LRP1B: variants seen among roughly 807,000 people sequenced by gnomAD.
LRP1B encodes the protein LDL receptor related protein 1B, also known as low-density lipoprotein receptor-related protein 1B.
Under a neutral mutation model 556.6 loss-of-function variants are expected in LRP1B, and 217 were observed. The ratio of observed to expected loss-of-function variants is 0.39; its 90% CI spans 0.35 to 0.44. The LOEUF is 0.44. LRP1B is among the 20% of genes least tolerant of loss of function. The pLI, the probability that LRP1B is intolerant of heterozygous loss-of-function variation, is 1.00. For missense variants in LRP1B, 5,053 were observed against 5,620.8 expected, an observed-to-expected ratio of 0.90 and a Z score of 3.23; for synonymous variants, 2,047 against 1,865.8, an observed-to-expected ratio of 1.10 and a Z score of -2.50.
At position 142,118,129 on chromosome 2, in the gene LRP1B, C is replaced by G. The variant is rs150997428; in HGVS notation, c.82+12519G>C. 7.3e-3 allele frequency among the ~76,000 whole-genome samples: 1,107 copies of G among 152,062 alleles called. 19 individuals carry two copies. Among genetic ancestry groups the G allele is most frequent in the African/African-American group, 0.026 (1,060 of 41,478 alleles). Reference sequence around the variant, plus strand: ...AGGGCAGGATTCCTACTTCGGGTTCCTTTATATGATTTTTTTTTCTTTGCT... The same window carrying G: ...AGGGCAGGATTCCTACTTCGGGTTCGTTTATATGATTTTTTTTTCTTTGCT... On this transcript the variant is annotated intron_variant, in intron 1 of 90. Coordinates refer to ENST00000389484, the MANE Select transcript of LRP1B (RefSeq NM_018557.3).
At chr2:140,952,907 TC>T (rs1695761166) in intron 18 of LRP1B, among the ~76,000 whole-genome samples, 1 of 152,164 alleles carries the variant, frequency 6.6e-6, no homozygotes, top group African/African-American at 2.4e-5. Context: ...TTTAAGTTGC[TC>T]AATATCAGAC....
chr2:142,085,184 C>T (rs544256890), intron 1 of LRP1B, among the ~76,000 whole-genome samples: 99 of 152,298 alleles, frequency 6.5e-4, no homozygotes, highest in Admixed American at 1.6e-3. Flanking sequence ...TCTACATCCT[C>T]CCCATCTCTT....
At chr2:141,244,594 C>G (rs761604184) in intron 5 of LRP1B, among the ~76,000 whole-genome samples, 20 of 152,136 alleles carry the variant, frequency 1.3e-4, no homozygotes, top group African/African-American at 3.1e-4. Flanking sequence ...TACTGTATAA[C>G]AAAACTACCT....
chr2:140,991,167 T>C (rs1472172704), intron 16 of LRP1B, among the ~76,000 whole-genome samples: 1 of 152,172 alleles, frequency 6.6e-6, no homozygotes. Context: ...ATAAGTCATC[T>C]GATGTATTAG....
chr2:141,740,426 A>T (rs1388483300), intron 2 of LRP1B, among the ~76,000 whole-genome samples: 1 of 152,192 alleles, frequency 6.6e-6, no homozygotes, highest in African/African-American at 2.4e-5. Context: ...ACTTAATAAT[A>T]TAATTGTAAC....
intron 1 of LRP1B, among the ~76,000 whole-genome samples, chr2:142,006,709 T>G (rs1702813129): frequency 6.6e-6 from 1 of 152,140 alleles, no homozygotes; most frequent in African/African-American, 2.4e-5. Context: ...TATAGAGGGC[T>G]ACTTTTTTTT....
intron 20 of LRP1B, 35 bp from the exon 21 acceptor site, chr2:140,923,182 G>A (rs746775074): frequency 6.7e-7 from 1 of 1,492,686 alleles, no homozygotes; most frequent in East Asian, 2.3e-5. Flanking sequence ...AAGCAGAGGG[G>A]GGCAAGACAG....
At position 140,254,221 on chromosome 2, in the gene LRP1B, T is replaced by C. The variant is rs529990212; in HGVS notation, c.13248-7059A>G. ...AAATAAAGCAGTTTAATAACTGCTT[T>C]AATAAAAGCACTATTCGACATATAT... On this transcript the variant is annotated intron_variant, in intron 86 of 90. Transcript: ENST00000389484. 2.2e-3 allele frequency among the ~76,000 whole-genome samples: 338 copies of C among 152,288 alleles called. 1 individual carries two copies. Among genetic ancestry groups the C allele is most frequent in the Middle Eastern group, 6.8e-3 (2 of 294 alleles).
intron 66 of LRP1B, among the ~76,000 whole-genome samples, chr2:140,414,165 C>A (rs1031679255): frequency 6.6e-6 from 1 of 152,164 alleles, no homozygotes; most frequent in Non-Finnish European, 1.5e-5. Context: ...ATCCTCCCAC[C>A]TTTACCTTTC....
intron 1 of LRP1B, among the ~76,000 whole-genome samples, chr2:142,128,766 C>T (rs1378592632): frequency 2.0e-5 from 3 of 152,158 alleles, no homozygotes; most frequent in African/African-American, 7.2e-5. Flanking sequence ...AACTAGCAAT[C>T]GTTTACCATG....
chr2:140,870,628 G>A (rs1693099336), intron 25 of LRP1B, among the ~76,000 whole-genome samples: 1 of 152,046 alleles, frequency 6.6e-6, no homozygotes, highest in African/African-American at 2.4e-5. Context: ...TAATGTTGCA[G>A]TACATTTTTC....
At chr2:141,765,017 G>A (rs547393655) in intron 2 of LRP1B, among the ~76,000 whole-genome samples, 92 of 152,204 alleles carry the variant, frequency 6.0e-4, no homozygotes, top group African/African-American at 2.1e-3. Context: ...ATGATAAAAT[G>A]AGTTTCTTGG....
chr2:141,795,900 A>G (rs1450717213), intron 2 of LRP1B, among the ~76,000 whole-genome samples: 1 of 78,982 alleles, frequency 1.3e-5, no homozygotes, highest in Admixed American at 1.2e-4. Flanking sequence ...ATATATATAT[A>G]ATCTTTAAGC....
chr2:142,072,020 C>T (rs1705333968), intron 1 of LRP1B, among the ~76,000 whole-genome samples: 1 of 151,958 alleles, frequency 6.6e-6, no homozygotes, highest in African/African-American at 2.4e-5. Context: ...ATTCTTTCCT[C>T]TCCCTCTCTC....
At chr2:141,676,557 CA>C (rs1690888911) in intron 2 of LRP1B, among the ~76,000 whole-genome samples, 1 of 152,258 alleles carries the variant, frequency 6.6e-6, no homozygotes, top group Admixed American at 6.5e-5. Flanking sequence ...CTTTTATCAT[CA>C]AAAGTTTCTT....
At chr2:141,311,945 G>T (rs1254473582) in intron 3 of LRP1B, among the ~76,000 whole-genome samples, 1 of 152,152 alleles carries the variant, frequency 6.6e-6, no homozygotes, top group Non-Finnish European at 1.5e-5. Flanking sequence ...ATGGGCAGAG[G>T]CTGGAAAAGT....
chr2:142,041,976 T>C (rs1235754615), intron 1 of LRP1B, among the ~76,000 whole-genome samples: 1 of 151,518 alleles, frequency 6.6e-6, no homozygotes, highest in Non-Finnish European at 1.5e-5. Context: ...AAGATGATTA[T>C]TTTTTATTAT....
At chr2:140,844,528 G>A (rs1377643014) in intron 29 of LRP1B, among the ~76,000 whole-genome samples, 2 of 152,046 alleles carry the variant, frequency 1.3e-5, no homozygotes, top group East Asian at 1.9e-4. Context: ...TAAGCATATG[G>A]GGGTGGGGGT....
chr2:140,932,817 AGTGAGCT>A (rs2105273658), intron 20 of LRP1B, among the ~76,000 whole-genome samples: 1 of 147,916 alleles, frequency 6.8e-6, no homozygotes, highest in South Asian at 2.2e-4. Context: ...TTTAGGTTTC[AGTGAGCT>A]GTGATTGTGC....
Sources: gnomAD v4.1 joint callset for allele counts (sites outside exome capture counted in the v4.1 genomes callset) on GRCh38, gnomAD v4.1.1 for gene constraint, MANE v1.5 for transcripts, NCBI Gene and HGNC (gene_info 2026-07-23, HGNC 2026-07-21) for gene names.